MPP4: variants seen among roughly 807,000 people sequenced by gnomAD.
MPP4 encodes the protein MAGUK p55 subfamily member 4.
Under a neutral mutation model 98.3 loss-of-function variants are expected in MPP4, and 91 were observed. That is an observed-to-expected ratio of 0.93 (90% CI 0.78 to 1.10). MPP4 has a LOEUF of 1.10. MPP4 is among the 50% of genes least tolerant of loss of function. The pLI is 0.00. For missense variants in MPP4, 744 were observed against 792.9 expected (o/e 0.94, Z 0.74); for synonymous variants, 261 against 271.8 (o/e 0.96, Z 0.39).
In MPP4 at chr2:201,686,024, T is replaced by C; in HGVS notation, c.387A>G (p.Ile129Met). 2 of 1,612,334 alleles carry C rather than the reference T, an allele frequency of 1.2e-6. No homozygotes were observed. The highest frequency in any genetic ancestry group is 1.7e-6 in the Non-Finnish European group (2 of 1,178,560). ...GAAGGGGTTCAAAATCTTTCTGAGC[T>C]ATCGTGTCATGGGCACTGAGCAAGG... is the stretch of plus-strand genomic sequence containing the variant. ...FKALLSAHDT[I>M]AQKDFEPLLP... The change falls in exon 6 of 22, where the codon ATA becomes ATG. Residue 129 changes from isoleucine to methionine, a missense_variant. Physicochemically the swap from Ile to Met is conservative, Grantham distance 10. Transcript: ENST00000409474.
At chr2:201,679,664 C>T (rs1450701523) in intron 10 of MPP4, among the ~76,000 whole-genome samples, 2 of 152,174 alleles carry the variant, frequency 1.3e-5, no homozygotes, top group East Asian at 3.9e-4. Flanking sequence ...TCAACAACAG[C>T]AATTCTCTTC....
At chr2:201,657,576 G>C (rs1401903805) in intron 16 of MPP4, among the ~76,000 whole-genome samples, 1 of 141,020 alleles carries the variant, frequency 7.1e-6, no homozygotes, top group Non-Finnish European at 1.5e-5. Flanking sequence ...CTAACAGTGA[G>C]AACCCTGGCC....
At chr2:201,660,849 T>G (rs749951023) in intron 14 of MPP4, among the ~76,000 whole-genome samples, 4 of 152,150 alleles carry the variant, frequency 2.6e-5, no homozygotes, top group Non-Finnish European at 4.4e-5. Flanking sequence ...AGCTGCCCCA[T>G]GAAGACAGAG....
At chr2:201,678,930 T>C (rs1295507283) in intron 10 of MPP4, among the ~76,000 whole-genome samples, 1 of 152,146 alleles carries the variant, frequency 6.6e-6, no homozygotes, top group Non-Finnish European at 1.5e-5. Flanking sequence ...CACCCTGGCC[T>C]ATTGGGTGCT....
In MPP4 at chr2:201,658,479, A is replaced by G. The variant is rs769726544; in HGVS notation, c.1127T>C (p.Ile376Thr). ...EFVGYGQKFF[I>T]AGFRRSMRLC... The stretch of plus-strand genomic sequence containing the variant: ...CCTCTTGTTAATTTATCACCTACCT[A>G]TAAAGAACTTCTGACCGTAGCCAAC... The change falls in exon 16 of 22, where the codon ATA becomes ACA. Residue 376 changes from isoleucine to threonine, a missense_variant and splice_region_variant. Ile to Thr is a moderately conservative substitution (Grantham distance 89). Transcript: ENST00000409474. 5.0e-6 allele frequency: 8 copies of G among 1,612,712 alleles called. No homozygotes were observed. Among genetic ancestry groups the G allele is most frequent in the Admixed American group, 3.3e-5 (2 of 59,830 alleles).
chr2:201,648,387 C>A (rs1412469719), intron 20 of MPP4, among the ~76,000 whole-genome samples: 1 of 152,156 alleles, frequency 6.6e-6, no homozygotes, highest in Non-Finnish European at 1.5e-5. Context: ...ATTTCTAAGA[C>A]CAGAAATTAG....
rs1218829782 is a variant in MPP4 at position 201,693,045 on chromosome 2, A to G, written c.80-16T>C. ...TGGGAGAGGCCTAGGAAAGGAAGAG[A>G]GCAGAGATGGGGTGGCAGGTGCGGG... On this transcript the variant is annotated splice_polypyrimidine_tract_variant and intron_variant, in intron 2 of 21. Transcript: ENST00000409474. 1.2e-6 allele frequency: 2 copies of G among 1,606,966 alleles called. No individual in the cohort carries two copies. The highest frequency in any genetic ancestry group is 4.5e-5 in the East Asian group (2 of 44,704).
At position 201,654,876 on chromosome 2, in the gene MPP4, T is replaced by A; in HGVS notation, c.1342A>T (p.Ile448Phe). 1.9e-6 allele frequency: 3 copies of A among 1,605,578 alleles called. No individual in the cohort carries two copies. The highest frequency in any genetic ancestry group is 2.6e-6 in the Non-Finnish European group (3 of 1,176,116). Residue 448 changes from isoleucine to phenylalanine, a missense_variant, in exon 18 of 22, where the codon ATT becomes TTT. Ile to Phe is a conservative substitution (Grantham distance 21). Transcript: ENST00000409474. ...VGVNELRRQL[I>F]EFNPSHFQSA... ...TGAAAATGGCTGGGATTAAATTCAA[T>A]AAGTTGTCTTCTGAGCTCATTTACT...
rs969023014 is a variant in MPP4 at position 201,670,283 on chromosome 2, G to A, written c.995-533C>T. ...CAGTAGCCTGCCCCTAATTTTTTTG[G>A]GGGGAGGAGGGTATGATAAGACTTA... On this transcript the variant is annotated intron_variant, in intron 11 of 21. Coordinates refer to ENST00000409474, the MANE Select transcript of MPP4 (RefSeq NM_033066.3). Among the ~76,000 whole-genome samples the A allele has an allele frequency of 2.0e-5, 3 of 152,006 alleles. No individual in the cohort carries two copies. The East Asian group carries it at 5.8e-4, about 29-fold the overall frequency.
At chr2:201,671,352 G>C (rs1464773975) in intron 11 of MPP4, among the ~76,000 whole-genome samples, 4 of 152,136 alleles carry the variant, frequency 2.6e-5, no homozygotes, top group Non-Finnish European at 5.9e-5. Flanking sequence ...GCAGTCTGAA[G>C]TTGACCTGGG....
At position 201,669,728 on chromosome 2, in the gene MPP4, C is replaced by A; in HGVS notation, c.1012+5G>T. The A allele has an allele frequency of 6.9e-7, 1 of 1,440,290 alleles. No homozygotes were observed. The highest frequency in any genetic ancestry group is 2.6e-5 in the East Asian group (1 of 39,008). 89.2% of individuals were successfully genotyped at this position (1,440,290 alleles called of 1,614,324 possible). ...AAGAGTTTTTTCCTAAATACTATTT[C>A]TTACCTTCTTCCATAGAAATTGCTG... On this transcript the variant is annotated splice_donor_5th_base_variant and intron_variant, in intron 12 of 21. Coordinates refer to ENST00000409474, the MANE Select transcript of MPP4 (RefSeq NM_033066.3).
chr2:201,686,042 G>A lies in MPP4; in HGVS notation c.369C>T (p.Leu123=). ...TCTGAGCTATCGTGTCATGGGCACT[G>A]AGCAAGGCCTGGGCACAGGGAAGGA... ...MLQAPHFKAL[L]SAHDTIAQKD... is the part of the protein sequence containing the mutation. The change falls in exon 6 of 22, where the codon CTC becomes CTT. Residue 123 remains leucine (L), a synonymous_variant. Coordinates refer to ENST00000409474, the MANE Select transcript of MPP4 (RefSeq NM_033066.3). The A allele has an allele frequency of 6.2e-7, 1 of 1,611,730 alleles. No homozygotes were observed. The highest frequency in any genetic ancestry group is 1.7e-5 in the Admixed American group (1 of 59,978).
chr2:201,674,633 T>C (rs1224554707), intron 11 of MPP4, among the ~76,000 whole-genome samples: 1 of 152,176 alleles, frequency 6.6e-6, no homozygotes, highest in Non-Finnish European at 1.5e-5. Context: ...AGGGTTCGCT[T>C]TGAGAGACAT....
In MPP4 at chr2:201,656,376, G is replaced by A; in HGVS notation, c.1130-8C>T. On this transcript the variant is annotated splice_region_variant and splice_polypyrimidine_tract_variant and intron_variant, in intron 16 of 21. Transcript: ENST00000409474. ...TGCTGCGGCGGAAGCCAGCTAGGGA[G>A]GGGAAGTGCACAGAACGTAAGAACC... is the stretch of plus-strand genomic sequence containing the variant. 1.3e-6 allele frequency: 2 copies of A among 1,547,768 alleles called. No individual in the cohort carries two copies. The highest frequency in any genetic ancestry group is 8.7e-7 in the Non-Finnish European group (1 of 1,144,786).
intron 7 of MPP4, among the ~76,000 whole-genome samples, chr2:201,683,511 G>A (rs1382717539): frequency 6.6e-6 from 1 of 152,186 alleles, no homozygotes; most frequent in Non-Finnish European, 1.5e-5. Context: ...CACTTTGGGA[G>A]GCCAAGGTAG....
rs1400417975 is a variant in MPP4 at position 201,687,286 on chromosome 2, C to T, written c.360+5G>A. 1.3e-6 allele frequency: 2 copies of T among 1,569,690 alleles called. No homozygotes were observed. The highest frequency in any genetic ancestry group is 8.7e-7 in the Non-Finnish European group (1 of 1,155,518). On this transcript the variant is annotated splice_donor_5th_base_variant and intron_variant, in intron 5 of 21. Transcript: ENST00000409474. Reference sequence around the variant, plus strand: ...GACATCTTTTCTATTTTAGCAGGCACTTGCCTTGAAGTGTGGAGCCTGGAG... The same window carrying T: ...GACATCTTTTCTATTTTAGCAGGCATTTGCCTTGAAGTGTGGAGCCTGGAG...
Position 201,681,014 on chromosome 2 carries a change from A to C in MPP4, c.753T>G (p.Thr251=). ...SQQMVYVRAM[T]EYWPQEDPDI... ...CGGGATCCTCCTGGGGCCAGTACTC[A>C]GTCATGGCACGGACGTACACCTGAT... is the stretch of plus-strand genomic sequence containing the variant. Residue 251 remains threonine, a synonymous_variant, in exon 10 of 22, where the codon ACT becomes ACG. Transcript: ENST00000409474. The C allele has an allele frequency of 1.2e-6, 2 of 1,613,758 alleles. No individual in the cohort carries two copies. The highest frequency in any genetic ancestry group is 2.2e-5 in the South Asian group (2 of 91,054).
intron 18 of MPP4, among the ~76,000 whole-genome samples, chr2:201,652,675 C>T (rs1687745665): frequency 3.9e-5 from 6 of 152,162 alleles, no homozygotes. Context: ...AAATTTGCTG[C>T]ACCAGGGAAG....
chr2:201,670,243 C>T (rs1022943587), intron 11 of MPP4, among the ~76,000 whole-genome samples: 17 of 152,104 alleles, frequency 1.1e-4, no homozygotes, highest in Non-Finnish European at 2.4e-4. Context: ...TAAAATTGCC[C>T]TATATCTTTG....
Sources: gnomAD v4.1 joint callset for allele counts (sites outside exome capture counted in the v4.1 genomes callset) on GRCh38, gnomAD v4.1.1 for gene constraint, MANE v1.5 for transcripts, NCBI Gene and HGNC (gene_info 2026-07-23, HGNC 2026-07-21) for gene names.